Variants in KCNN1 observed in about 807,000 individuals in gnomAD.
The protein encoded by KCNN1 is small conductance calcium-activated potassium channel protein 1.
Under a neutral mutation model 44.7 loss-of-function variants are expected in KCNN1, and 20 were observed. That is an observed-to-expected ratio of 0.45 (90% CI 0.32 to 0.65). The LOEUF is 0.65. Ranked by LOEUF, KCNN1 falls within the 30% of genes least tolerant of loss-of-function variation. KCNN1 has a pLI of 0.05. For missense variants in KCNN1, 632 were observed against 785.3 expected (o/e 0.80, Z 2.33); for synonymous variants, 324 against 341.7 (o/e 0.95, Z 0.57).
At chr19:17,966,014 TGCC>T (rs1397231663), upstream of KCNN1, among the ~76,000 whole-genome samples, 6 of 121,058 alleles carry the variant, frequency 5.0e-5, no homozygotes, top group South Asian at 2.6e-4. Context: ...CCTGCCTGCC[TGCC>T]TGCCTGCCTT....
Position 17,973,790 on chromosome 19 carries a change from C to T in KCNN1, c.-81-18C>T. 1 of 1,489,732 alleles carries T rather than the reference C, an allele frequency of 6.7e-7. No homozygotes were observed. The highest frequency in any genetic ancestry group is 1.3e-5 in the South Asian group (1 of 76,306). The allele number at this position is 1,489,732 out of a possible 1,614,324, so 92.3% of individuals were successfully genotyped here. A position where few individuals can be genotyped will look rare whatever the true frequency, so the allele number is the denominator to read the frequency against. ...AAGCTGGACCCTGCTGTGACCATGT[C>T]CCTCTGTGCCCTTGCAGGTCAGTGC... is the stretch of plus-strand genomic sequence containing the variant. On this transcript the variant is annotated intron_variant, in intron 1 of 9. Transcript: ENST00000684775.
intron 9 of KCNN1, among the ~76,000 whole-genome samples, chr19:17,994,876 G>A (rs2032930555): frequency 6.6e-6 from 1 of 152,182 alleles, no homozygotes; most frequent in Admixed American, 6.5e-5. Context: ...TCCACTGGAA[G>A]ATGTGTCACT....
At position 17,967,709 on chromosome 19, in the gene KCNN1, C is replaced by T. The variant is rs542923624; in HGVS notation, c.-82+392C>T. Among the ~76,000 whole-genome samples, 10 of 151,928 alleles carry T rather than the reference C, an allele frequency of 6.6e-5. No individual in the cohort carries two copies. In the East Asian group the frequency reaches 2.0e-3, roughly 30 times the overall value. On this transcript the variant is annotated intron_variant, in intron 1 of 9. Coordinates refer to ENST00000684775, the MANE Select transcript of KCNN1 (RefSeq NM_001386974.1). ...CCCTGGATCCAGGGGTTGGGGCACT[C>T]AGGGAGGGGTCAGGAAACCGGGTCT...
intron 2 of KCNN1, among the ~76,000 whole-genome samples, chr19:17,956,146 C>T (rs2031539876): frequency 6.6e-6 from 1 of 152,078 alleles, no homozygotes; most frequent in African/African-American, 2.4e-5. Flanking sequence ...CCATGTTGGC[C>T]GGGCTGGTCT....
Position 17,999,716 on chromosome 19 carries a change from G to A in KCNN1, c.*1310G>A, listed in dbSNP as rs2033120874. 6.8e-6 allele frequency: 2 copies of A among 296,084 alleles called. No homozygotes were observed. Among genetic ancestry groups the A allele is most frequent in the African/African-American group, 4.4e-5 (2 of 45,946 alleles). The allele number at this position is 296,084 out of a possible 1,614,324, so 18.3% of individuals were successfully genotyped here. ...TTTACTTGGCAGATGCTGAGCCCTG[G>A]GTGGGGCGAGGAGGCCTGGCTCCTG... On this transcript the variant is annotated 3_prime_UTR_variant, in exon 10 of 10. Transcript: ENST00000684775.
At position 17,951,499 on chromosome 19, in the gene KCNN1, T is replaced by G. The variant is rs569504891; in HGVS notation, c.-203+90T>G. The G allele has an allele frequency of 2.0e-5, 3 of 152,316 alleles. No homozygotes were observed. The East Asian group carries it at 5.8e-4, about 30-fold the overall frequency. The allele number at this position is 152,316 out of a possible 1,614,324, so 9.4% of individuals were successfully genotyped here. On this transcript the variant is annotated intron_variant, in intron 1 of 10. Transcript: ENST00000222249. ...TCACGGAAAGGGCTTGCCCCTGGAC[T>G]TCTCCCTCCCATCCCCTACCGAGCC... is the stretch of plus-strand genomic sequence containing the variant.
intron 5 of KCNN1, among the ~76,000 whole-genome samples, chr19:17,988,027 C>T (rs1006317986): frequency 1.3e-5 from 2 of 151,378 alleles, no homozygotes; most frequent in Non-Finnish European, 2.9e-5. Context: ...TGGTGGTGCA[C>T]GCTTCTAGTT....
chr19:17,997,945 C>T (rs1188667579), intron 9 of KCNN1, among the ~76,000 whole-genome samples: 1 of 152,004 alleles, frequency 6.6e-6, no homozygotes, highest in Non-Finnish European at 1.5e-5. Flanking sequence ...TCTCTCCCCT[C>T]ATCCACTCTC....
chr19:17,982,672 C>A, intron 4 of KCNN1: 1 of 879,420 alleles, frequency 1.1e-6, no homozygotes, highest in Non-Finnish European at 1.4e-6. Context: ...TTAGCTGCCG[C>A]AAGGGGAGGG....
rs1475052437 is a variant in KCNN1 at position 17,993,840 on chromosome 19, G to T, written c.1377+281G>T. On this transcript the variant is annotated intron_variant, in intron 9 of 9. Transcript: ENST00000684775. This position sits in a 1 kb window ranked among gnomAD's most constrained non-coding sequence, Gnocchi z 4.5. ...GAGGAGAATCGCTTGAACTTGGGGG[G>T]TTGAGGCTGCAGTGAGCCGAGATGG... Among the ~76,000 whole-genome samples, 2 of 152,126 alleles carry T rather than the reference G, an allele frequency of 1.3e-5. No individual in the cohort carries two copies. The highest frequency in any genetic ancestry group is 2.9e-5 in the Non-Finnish European group (2 of 68,014).
chr19:17,979,463 T>TTAGAG (rs2032323287), intron 3 of KCNN1, among the ~76,000 whole-genome samples: 1 of 111,434 alleles, frequency 9.0e-6, no homozygotes. Flanking sequence ...AAGGAAGGAG[T>TTAGAG]TAGAGGCTCC....
chr19:17,975,295 T>A (rs2032169985), intron 3 of KCNN1, 108 bp downstream of exon 3: 1 of 714,190 alleles, frequency 1.4e-6, no homozygotes, highest in Admixed American at 2.7e-5. Flanking sequence ...GATGTATAAT[T>A]GGCTTCTGAT....
chr19:17,965,726 G>T (rs1334620574), upstream of KCNN1, among the ~76,000 whole-genome samples: 3 of 145,340 alleles, frequency 2.1e-5, no homozygotes, highest in South Asian at 4.4e-4. Flanking sequence ...CAGATCACTC[G>T]TAACAGCCCC....
chr19:17,981,963 C>A lies in KCNN1; in HGVS notation c.753C>A (p.Ile251=). ...GGGTGATGCTACTGCACAGCAAAAT[C>A]TTCACGGACGCCTCGAGCCGCAGCA... The part of the protein sequence containing the change: ...LGRVMLLHSK[I]FTDASSRSIG... Residue 251 remains isoleucine, a synonymous_variant, in exon 4 of 10, where the codon ATC becomes ATA. Transcript: ENST00000684775. The A allele has an allele frequency of 6.2e-7, 1 of 1,610,230 alleles. No homozygotes were observed. Among genetic ancestry groups the A allele is most frequent in the Non-Finnish European group, 8.5e-7 (1 of 1,178,552 alleles).
chr19:17,996,516 G>A (rs1483100101), intron 9 of KCNN1, among the ~76,000 whole-genome samples: 1 of 152,246 alleles, frequency 6.6e-6, no homozygotes, highest in Non-Finnish European at 1.5e-5. Context: ...TGAGGCAGGA[G>A]AGTCGCTTGA....
At chr19:17,986,347 G>A (rs1330291196) in intron 5 of KCNN1, among the ~76,000 whole-genome samples, 1 of 145,710 alleles carries the variant, frequency 6.9e-6, no homozygotes. Flanking sequence ...TGGGCAACCA[G>A]AGTGAACTAA....
chr19:17,986,956 G>A (rs979435345), intron 5 of KCNN1, among the ~76,000 whole-genome samples: 3 of 151,922 alleles, frequency 2.0e-5, no homozygotes, highest in African/African-American at 7.3e-5. Context: ...ACAGGCGCCT[G>A]CCACCAGGCT....
At chr19:17,970,410 C>T (rs916516103) in intron 1 of KCNN1, among the ~76,000 whole-genome samples, 6 of 134,182 alleles carry the variant, frequency 4.5e-5, no homozygotes, top group East Asian at 2.5e-4. Context: ...CTCCACTTCC[C>T]GGGTTCAAGT....
At chr19:17,994,498 G>C (rs1017244691) in intron 9 of KCNN1, among the ~76,000 whole-genome samples, 2 of 150,132 alleles carry the variant, frequency 1.3e-5, no homozygotes, top group Non-Finnish European at 3.0e-5. Flanking sequence ...ACATGGATCT[G>C]TGTGTTGATT....
Sources: allele counts gnomAD v4.1 joint callset (sites outside exome capture counted in the v4.1 genomes callset), GRCh38; gene constraint gnomAD v4.1.1; non-coding constraint Gnocchi (gnomAD v3.1); transcripts MANE v1.5; gene names NCBI Gene and HGNC (gene_info 2026-07-23, HGNC 2026-07-21).